Variants in SLC2A9 observed in about 807,000 individuals in gnomAD.
SLC2A9 encodes solute carrier family 2 member 9, also known as solute carrier family 2, facilitated glucose transporter member 9.
In SLC2A9, 39 loss-of-function variants were observed where a neutral mutation model predicts 50.6. That is an observed-to-expected ratio of 0.77 (90% CI 0.60 to 1.01). The LOEUF (loss-of-function observed/expected upper bound fraction) is 1.01. Among genes scored for constraint, SLC2A9 ranks in the 50% least tolerant of loss-of-function variants. The pLI is 0.00. For missense variants in SLC2A9, 686 were observed against 677.6 expected (o/e 1.01, Z -0.14); for synonymous variants, 324 against 276.9 (o/e 1.17, Z -1.69).
chr4:9,892,402 G>A (rs1737660593), intron 8 of SLC2A9, among the ~76,000 whole-genome samples: 2 of 152,196 alleles, frequency 1.3e-5, no homozygotes, highest in South Asian at 4.1e-4. Context: ...TTTCTCCTGG[G>A]TGCTTAGGGA....
chr4:9,978,529 C>T (rs558209001), intron 5 of SLC2A9, among the ~76,000 whole-genome samples: 1 of 152,252 alleles, frequency 6.6e-6, no homozygotes, highest in South Asian at 2.1e-4. Flanking sequence ...AGGCTGTTAT[C>T]TTGTTTTTAT....
At chr4:9,976,327 T>C (rs924111295) in intron 5 of SLC2A9, among the ~76,000 whole-genome samples, 1 of 151,586 alleles carries the variant, frequency 6.6e-6, no homozygotes, top group Non-Finnish European at 1.5e-5. Context: ...TTCAAAGCAA[T>C]TGCCTTCATT....
chr4:10,002,323 T>C (rs1759981843), intron 2 of SLC2A9, among the ~76,000 whole-genome samples: 1 of 152,312 alleles, frequency 6.6e-6, no homozygotes, highest in Admixed American at 6.5e-5. Context: ...AGCACATAAA[T>C]AATCTCACTT....
At chr4:9,807,475 G>A (rs1722277674) in intron 3 of SLC2A9, among the ~76,000 whole-genome samples, 1 of 152,182 alleles carries the variant, frequency 6.6e-6, no homozygotes, top group Admixed American at 6.5e-5. Context: ...GTTGAGACTT[G>A]CCACAGACTC....
Position 9,996,382 on chromosome 4 carries a change from G to A in SLC2A9, c.410+399C>T, listed in dbSNP as rs144399790. On this transcript the variant is annotated intron_variant, in intron 3 of 11. Coordinates refer to ENST00000264784, the MANE Select transcript of SLC2A9 (RefSeq NM_020041.3). ...TCAATTCCCCTCCCCTCCCTGCTCT[G>A]CTCTATGCCCCGGGAGCATCTCCTG... 5.0e-3 allele frequency among the ~76,000 whole-genome samples: 757 copies of A among 152,300 alleles called. 9 individuals are homozygous for A. Among genetic ancestry groups the A allele is most frequent in the African/African-American group, 0.017 (720 of 41,566 alleles).
intron 1 of SLC2A9, chr4:10,029,223 G>A (rs1327270251): frequency 6.6e-6 from 1 of 152,224 alleles, no homozygotes; most frequent in African/African-American, 2.4e-5. Context: ...TGGCTGACGA[G>A]GACATAGATT....
intron 5 of SLC2A9, among the ~76,000 whole-genome samples, chr4:9,948,795 C>G (rs1359223253): frequency 6.6e-6 from 1 of 152,232 alleles, no homozygotes; most frequent in African/African-American, 2.4e-5. Flanking sequence ...AGGCACTGAT[C>G]TGAGCTCATT....
intron 5 of SLC2A9, 105 bp downstream of exon 5, chr4:9,980,487 C>A: frequency 1.3e-6 from 2 of 1,512,184 alleles, no homozygotes; most frequent in East Asian, 2.3e-5. Context: ...GGCTTGAATA[C>A]CAGAAATTGC....
intron 5 of SLC2A9, among the ~76,000 whole-genome samples, chr4:9,964,945 C>T (rs1051613640): frequency 6.6e-6 from 1 of 152,152 alleles, no homozygotes; most frequent in African/African-American, 2.4e-5. Flanking sequence ...TAATTATCAC[C>T]CCGCTCTGAG....
At chr4:9,795,354 T>C (rs1720471711), downstream of SLC2A9, among the ~76,000 whole-genome samples, 2 of 152,146 alleles carry the variant, frequency 1.3e-5, no homozygotes, top group Non-Finnish European at 2.9e-5. Context: ...GAGGCTGCTG[T>C]CCTTACCTTG....
At chr4:9,977,946 G>A (rs1033134988) in intron 5 of SLC2A9, among the ~76,000 whole-genome samples, 8 of 152,194 alleles carry the variant, frequency 5.3e-5, no homozygotes, top group Non-Finnish European at 1.2e-4. Flanking sequence ...TAAACTTGAC[G>A]CCTCTGGGTT....
At chr4:9,840,203 A>T (rs1184229928) in intron 10 of SLC2A9, among the ~76,000 whole-genome samples, 2 of 152,186 alleles carry the variant, frequency 1.3e-5, no homozygotes, top group African/African-American at 4.8e-5. Flanking sequence ...CAAGTCTAAG[A>T]TACTAACAAA....
downstream of SLC2A9, among the ~76,000 whole-genome samples, chr4:9,795,360 C>T (rs1010047043): frequency 1.3e-5 from 2 of 152,104 alleles, no homozygotes; most frequent in African/African-American, 4.8e-5. Flanking sequence ...GCTGTCCTTA[C>T]CTTGCTGTAC....
At chr4:9,954,075 C>G (rs1750775119) in intron 5 of SLC2A9, among the ~76,000 whole-genome samples, 1 of 152,232 alleles carries the variant, frequency 6.6e-6, no homozygotes, top group Non-Finnish European at 1.5e-5. Flanking sequence ...TCCCAAAGTG[C>G]TGGGATTACA....
downstream of SLC2A9, among the ~76,000 whole-genome samples, chr4:9,821,853 T>C (rs1303823244): frequency 6.6e-6 from 1 of 152,198 alleles, no homozygotes; most frequent in African/African-American, 2.4e-5. Flanking sequence ...ACTGAAACCA[T>C]GTGGACCTGG....
chr4:9,782,291 C>T lies in SLC2A9; in HGVS notation n.386-2226G>A, dbSNP rs148402761. On this transcript the variant is annotated intron_variant and non_coding_transcript_variant, in intron 3 of 3. Coordinates refer to the SLC2A9 transcript ENST00000503803. ...CATCGTGTCTCTGGCCGTGTCAGAC[C>T]TTTTCGTGGCGCTGCTGGTCATGCC... The T allele has an allele frequency of 7.3e-3, 11,727 of 1,614,012 alleles. 67 individuals carry two copies. Among genetic ancestry groups the T allele is most frequent in the Non-Finnish European group, 9.0e-3 (10,582 of 1,179,882 alleles).
chr4:9,782,994 G>T lies in SLC2A9; in HGVS notation n.386-2929C>A, dbSNP rs371927056. 51 of 1,614,090 alleles carry T rather than the reference G, an allele frequency of 3.2e-5. No homozygotes were observed. Among genetic ancestry groups the T allele is most frequent in the Non-Finnish European group, 4.1e-5 (48 of 1,180,048 alleles). On this transcript the variant is annotated intron_variant and non_coding_transcript_variant, in intron 3 of 3. Coordinates refer to the SLC2A9 transcript ENST00000503803. The stretch of plus-strand genomic sequence containing the variant: ...ATCCTTAACTGCATGGTCCCTTTCT[G>T]CAGTGGACACCCCGAAGGCCCTCCG...
intron 6 of SLC2A9, among the ~76,000 whole-genome samples, chr4:9,924,961 A>G (rs978767142): frequency 9.2e-5 from 14 of 152,152 alleles, no homozygotes; most frequent in Non-Finnish European, 1.0e-4. Context: ...CCCCAGGAAG[A>G]TGATTGGGCC....
chr4:9,883,322 G>T (rs1377646522), intron 10 of SLC2A9, among the ~76,000 whole-genome samples: 1 of 152,212 alleles, frequency 6.6e-6, no homozygotes, highest in East Asian at 1.9e-4. Flanking sequence ...AAAGTCCAGG[G>T]TAGTGTGTAG....
Sources: gnomAD v4.1 joint callset for allele counts (sites outside exome capture counted in the v4.1 genomes callset) on GRCh38, gnomAD v4.1.1 for gene constraint, MANE v1.5 for transcripts, NCBI Gene and HGNC (gene_info 2026-07-23, HGNC 2026-07-21) for gene names.